FMN1: variants seen among roughly 807,000 people sequenced by gnomAD.
FMN1 encodes the protein formin 1.
A neutral mutation model predicts 132.4 loss-of-function variants in FMN1; 110 were observed. The ratio of observed to expected loss-of-function variants is 0.83; its 90% CI spans 0.71 to 0.97. The LOEUF is 0.97. FMN1 is among the 50% of genes least tolerant of loss of function. The pLI is 0.00. For missense variants in FMN1, 1,792 were observed against 1,705.3 expected, an observed-to-expected ratio of 1.05 and a Z score of -0.90; for synonymous variants, 722 against 651.7, an observed-to-expected ratio of 1.11 and a Z score of -1.64.
At chr15:32,995,985 C>T (rs1010818359) in intron 7 of FMN1, among the ~76,000 whole-genome samples, 1 of 152,172 alleles carries the variant, frequency 6.6e-6, no homozygotes, top group Non-Finnish European at 1.5e-5. Flanking sequence ...TCTTTTACCT[C>T]GGCACATAGC....
rs186288695 is a variant in FMN1, at chr15:32,955,300, G to A, written c.3138+8807C>T. ...TTCATATTAAGCATGTGCCTGTGAG[G>A]GCATGTGCAGGGGCTGTTCTGACTA... On this transcript the variant is annotated intron_variant, in intron 9 of 20. Transcript: ENST00000616417. 3.6e-3 allele frequency among the ~76,000 whole-genome samples: 542 copies of A among 152,240 alleles called. 2 individuals carry two copies. Among genetic ancestry groups the A allele is most frequent in the Non-Finnish European group, 6.4e-3 (433 of 68,018 alleles).
chr15:33,043,490 C>T (rs372954189), intron 6 of FMN1, among the ~76,000 whole-genome samples: 7 of 152,214 alleles, frequency 4.6e-5, no homozygotes, highest in South Asian at 2.1e-4. Context: ...CATGTGGCTG[C>T]GCAAGAATCT....
At position 32,968,955 on chromosome 15, in the gene FMN1, G is replaced by A; in HGVS notation, c.2746C>T (p.Pro916Ser). Residue 916 changes from proline (P) to serine (S), a missense_variant, in exon 8 of 21, where the codon CCT (proline) becomes TCT (serine). Transcript: ENST00000616417. Reference sequence around the variant, plus strand: ...GGTGGTGGAGGTCCAGCACTTGAAGGTGGAGGTAGAGGTGGCGGTGGAGGA... The same window carrying A: ...GGTGGTGGAGGTCCAGCACTTGAAGATGGAGGTAGAGGTGGCGGTGGAGGA... ...PPPPPPPLPP[P>S]SSAGPPPPPP... 1.1e-6 allele frequency: 1 copy of A among 905,660 alleles called. No individual in the cohort carries two copies. The highest frequency in any genetic ancestry group is 1.7e-5 in the South Asian group (1 of 60,202). The allele number at this position is 905,660 out of a possible 1,614,324, so 56.1% of individuals were successfully genotyped here.
chr15:32,914,310 A>G (rs1048069857), intron 10 of FMN1, among the ~76,000 whole-genome samples: 6 of 152,216 alleles, frequency 3.9e-5, no homozygotes, highest in Non-Finnish European at 8.8e-5. Context: ...CATCCATGCA[A>G]TGACAATTTG....
chr15:32,875,578 C>T (rs1418395455), intron 16 of FMN1, among the ~76,000 whole-genome samples: 2 of 152,018 alleles, frequency 1.3e-5, no homozygotes, highest in African/African-American at 4.8e-5. Flanking sequence ...GTTCATGGCC[C>T]CTATCCACCT....
At chr15:33,171,296 G>T (rs952965572) in intron 3 of FMN1, among the ~76,000 whole-genome samples, 1 of 152,086 alleles carries the variant, frequency 6.6e-6, no homozygotes, top group African/African-American at 2.4e-5. Context: ...TCTGATGGGC[G>T]ACAGTAGAGT....
At chr15:32,779,223 G>A (rs527363515) in intron 19 of FMN1, among the ~76,000 whole-genome samples, 1 of 152,278 alleles carries the variant, frequency 6.6e-6, no homozygotes, top group South Asian at 2.1e-4. Context: ...AATGGTTGTA[G>A]ACCCTTGTGA....
intron 16 of FMN1, among the ~76,000 whole-genome samples, chr15:32,887,131 TC>T (rs1488010825): frequency 1.3e-5 from 2 of 152,232 alleles, no homozygotes; most frequent in South Asian, 4.1e-4. Flanking sequence ...AGCAGATCTT[TC>T]CCACTTTACT....
chr15:32,988,058 T>G (rs943270634), intron 7 of FMN1, among the ~76,000 whole-genome samples: 4 of 150,356 alleles, frequency 2.7e-5, no homozygotes, highest in Non-Finnish European at 5.9e-5. Context: ...AGTTTTTTTT[T>G]TTTTTTTTTT....
At chr15:32,832,655 G>A (rs1349143504) in intron 17 of FMN1, among the ~76,000 whole-genome samples, 25 of 152,256 alleles carry the variant, frequency 1.6e-4, no homozygotes, top group Admixed American at 1.6e-3. Context: ...GTGAGTGCCT[G>A]TAATCCCAGC....
chr15:33,065,138 G>A, intron 5 of FMN1, 64 bp from the exon 6 acceptor site: 1 of 1,106,632 alleles, frequency 9.0e-7, no homozygotes, highest in African/African-American at 1.6e-5. Flanking sequence ...CCTGAAAAAT[G>A]ACATGCTAAA....
rs2056336413 is a variant in FMN1, at chr15:32,774,100, C to A, written c.*210G>T. Reference sequence around the variant, plus strand: ...TCATCAAATATTTCTGCAATGTTCCCTTAAATAGTTTTCCATTGTTCCTGC... The same window carrying A: ...TCATCAAATATTTCTGCAATGTTCCATTAAATAGTTTTCCATTGTTCCTGC... On this transcript the variant is annotated 3_prime_UTR_variant, in exon 21 of 21. Coordinates refer to ENST00000616417, the MANE Select transcript of FMN1 (RefSeq NM_001277313.2). The A allele has an allele frequency of 3.5e-6, 2 of 569,482 alleles. No homozygotes were observed. The highest frequency in any genetic ancestry group is 6.1e-6 in the Non-Finnish European group (2 of 325,206). The allele number at this position is 569,482 out of a possible 1,614,324, so 35.3% of individuals were successfully genotyped here.
chr15:32,804,068 C>T (rs1284190052), intron 18 of FMN1, among the ~76,000 whole-genome samples: 2 of 152,002 alleles, frequency 1.3e-5, no homozygotes, highest in African/African-American at 2.4e-5. Context: ...CTAAAGTAGT[C>T]GAAGTCACAG....
intron 4 of FMN1, among the ~76,000 whole-genome samples, chr15:33,135,995 A>C (rs538626978): frequency 3.3e-4 from 51 of 152,352 alleles, no homozygotes; most frequent in African/African-American, 1.2e-3. Context: ...AACAATGATG[A>C]ATATATGATA....
intron 19 of FMN1, among the ~76,000 whole-genome samples, chr15:32,788,474 C>G (rs747184307): frequency 2.0e-5 from 3 of 152,168 alleles, no homozygotes; most frequent in Non-Finnish European, 4.4e-5. Flanking sequence ...CCTACTGAGT[C>G]TCACCAAAAA....
chr15:32,947,651 T>C (rs1376006521), intron 9 of FMN1, among the ~76,000 whole-genome samples: 2 of 152,058 alleles, frequency 1.3e-5, no homozygotes, highest in East Asian at 1.9e-4. Context: ...AAGAGAATTA[T>C]GTCTCTCTTT....
intron 6 of FMN1, among the ~76,000 whole-genome samples, chr15:33,026,631 T>C (rs1282089715): frequency 2.0e-5 from 3 of 152,218 alleles, no homozygotes; most frequent in African/African-American, 4.8e-5. Flanking sequence ...CTGAAAATGG[T>C]AGAAGAATCT....
intron 7 of FMN1, among the ~76,000 whole-genome samples, chr15:33,007,718 A>G (rs1369458616): frequency 1.3e-5 from 2 of 152,184 alleles, no homozygotes; most frequent in South Asian, 2.1e-4. Flanking sequence ...CTTCTACTAT[A>G]TTTTATATAA....
intron 17 of FMN1, among the ~76,000 whole-genome samples, chr15:32,821,539 A>G (rs999828039): frequency 4.4e-5 from 6 of 137,162 alleles, no homozygotes; most frequent in African/African-American, 1.7e-4. Flanking sequence ...TGCAACCTCT[A>G]CCTCCCGGGT....
Sources: allele counts gnomAD v4.1 joint callset (sites outside exome capture counted in the v4.1 genomes callset), GRCh38; gene constraint gnomAD v4.1.1; transcripts MANE v1.5; gene names NCBI Gene and HGNC (gene_info 2026-07-23, HGNC 2026-07-21).